GATAD2B: variants seen among roughly 807,000 people sequenced by gnomAD.
GATAD2B encodes GATA zinc finger domain containing 2B.
Under a neutral mutation model 64.3 loss-of-function variants are expected in GATAD2B, and 8 were observed. The ratio of observed to expected loss-of-function variants is 0.12; its 90% CI spans 0.07 to 0.22. The LOEUF (loss-of-function observed/expected upper bound fraction) is 0.22. Among genes scored for constraint, GATAD2B ranks in the 10% least tolerant of loss-of-function variants. The pLI is 1.00. For missense variants in GATAD2B, 453 were observed against 752.0 expected (o/e 0.60, Z 4.65); for synonymous variants, 281 against 271.3 (o/e 1.04, Z -0.35).
chr1:153,920,597 A>T (rs1678400827), intron 1 of GATAD2B, among the ~76,000 whole-genome samples: 1 of 152,240 alleles, frequency 6.6e-6, no homozygotes, highest in South Asian at 2.1e-4. Flanking sequence ...CAGGAAGTTA[A>T]CACACATCAC....
intron 2 of GATAD2B, among the ~76,000 whole-genome samples, chr1:153,826,036 C>T (rs1162842152): frequency 6.6e-6 from 1 of 150,572 alleles, no homozygotes; most frequent in Non-Finnish European, 1.5e-5. Context: ...CGAAGTCTCG[C>T]TCTGTCGCCC....
intron 1 of GATAD2B, among the ~76,000 whole-genome samples, chr1:153,903,077 G>A (rs1677827313): frequency 6.6e-6 from 1 of 152,056 alleles, no homozygotes; most frequent in African/African-American, 2.4e-5. Context: ...AATTAGCCGG[G>A]CGTGGTGGCG....
At chr1:153,856,069 T>C (rs1026853557) in intron 1 of GATAD2B, among the ~76,000 whole-genome samples, 1 of 152,216 alleles carries the variant, frequency 6.6e-6, no homozygotes, top group African/African-American at 2.4e-5. Context: ...GCTGGGTTCA[T>C]GGCCACTTTC....
intron 1 of GATAD2B, among the ~76,000 whole-genome samples, chr1:153,890,349 G>A (rs972842098): frequency 1.3e-5 from 2 of 151,024 alleles, no homozygotes; most frequent in African/African-American, 2.4e-5. Flanking sequence ...TTAGCCGGAC[G>A]TGGTGGCACG....
chr1:153,868,329 G>A (rs757768493), intron 1 of GATAD2B, among the ~76,000 whole-genome samples: 1 of 151,986 alleles, frequency 6.6e-6, no homozygotes, highest in Non-Finnish European at 1.5e-5. Flanking sequence ...GAACAATTTA[G>A]TGAGAAAAGT....
At chr1:153,906,413 T>C (rs1677940520) in intron 1 of GATAD2B, among the ~76,000 whole-genome samples, 1 of 151,394 alleles carries the variant, frequency 6.6e-6, no homozygotes, top group Non-Finnish European at 1.5e-5. Flanking sequence ...AGCCAGACTC[T>C]GTCTTAACAA....
At chr1:153,888,349 A>C (rs1342322486) in intron 1 of GATAD2B, among the ~76,000 whole-genome samples, 1 of 152,204 alleles carries the variant, frequency 6.6e-6, no homozygotes, top group Non-Finnish European at 1.5e-5. Context: ...CTTCCAAAAG[A>C]CAAAGTATCT....
intron 1 of GATAD2B, chr1:153,921,961 T>G (rs1400348158): frequency 6.6e-6 from 1 of 151,894 alleles, no homozygotes; most frequent in Non-Finnish European, 1.5e-5. Flanking sequence ...TAAGTCCCGG[T>G]GTGGTTAGGG....
intron 1 of GATAD2B, among the ~76,000 whole-genome samples, chr1:153,841,754 T>G (rs1026811796): frequency 3.9e-5 from 6 of 152,192 alleles, no homozygotes; most frequent in African/African-American, 1.2e-4. Context: ...CTATGAACAT[T>G]CATGGGAAAG....
At chr1:153,837,533 C>A (rs1675317260) in intron 1 of GATAD2B, among the ~76,000 whole-genome samples, 1 of 151,984 alleles carries the variant, frequency 6.6e-6, no homozygotes, top group South Asian at 2.1e-4. Flanking sequence ...GTACTTAAAT[C>A]CACTGAATTA....
intron 1 of GATAD2B, among the ~76,000 whole-genome samples, chr1:153,894,003 T>G (rs1476274227): frequency 1.4e-5 from 2 of 139,228 alleles, no homozygotes; most frequent in Non-Finnish European, 3.1e-5. Flanking sequence ...GTCCCCATAC[T>G]AACTGGAACC....
At chr1:153,842,121 G>A (rs1675518189) in intron 1 of GATAD2B, among the ~76,000 whole-genome samples, 1 of 152,200 alleles carries the variant, frequency 6.6e-6, no homozygotes, top group Non-Finnish European at 1.5e-5. Context: ...CTTGAAGTGT[G>A]TGCCACTGCA....
At chr1:153,904,682 T>C (rs1338068959) in intron 1 of GATAD2B, among the ~76,000 whole-genome samples, 3 of 151,984 alleles carry the variant, frequency 2.0e-5, no homozygotes, top group Non-Finnish European at 4.4e-5. Context: ...GCTGGGACTA[T>C]AGGCGTGTGC....
At chr1:153,812,474 G>T (rs1402356245) in intron 8 of GATAD2B, among the ~76,000 whole-genome samples, 1 of 152,132 alleles carries the variant, frequency 6.6e-6, no homozygotes, top group Non-Finnish European at 1.5e-5. Context: ...TTGCTTCAAT[G>T]ATCAAGGGAT....
chr1:153,893,975 A>AT (rs1677502109), intron 1 of GATAD2B, among the ~76,000 whole-genome samples: 1 of 151,104 alleles, frequency 6.6e-6, no homozygotes, highest in African/African-American at 2.4e-5. Context: ...AAAAAAAAAA[A>AT]AAAAAAACCC....
chr1:153,848,629 G>A (rs1443504997), intron 1 of GATAD2B, among the ~76,000 whole-genome samples: 1 of 152,128 alleles, frequency 6.6e-6, no homozygotes, highest in Non-Finnish European at 1.5e-5. Flanking sequence ...CTCTCTTCAT[G>A]TAGTCAATTG....
chr1:153,900,127 T>C (rs1384791883), intron 1 of GATAD2B, among the ~76,000 whole-genome samples: 1 of 152,052 alleles, frequency 6.6e-6, no homozygotes, highest in Non-Finnish European at 1.5e-5. Context: ...AAATTTCTTT[T>C]TTTTTACTGG....
chr1:153,873,852 G>A (rs993553487), intron 1 of GATAD2B, among the ~76,000 whole-genome samples: 1 of 152,226 alleles, frequency 6.6e-6, no homozygotes, highest in Non-Finnish European at 1.5e-5. Flanking sequence ...GAGAGGCTGA[G>A]GCAGGAGGAC....
At chr1:153,841,981 T>C (rs1281902324) in intron 1 of GATAD2B, among the ~76,000 whole-genome samples, 1 of 152,150 alleles carries the variant, frequency 6.6e-6, no homozygotes, top group East Asian at 1.9e-4. Flanking sequence ...TGTTATTTAA[T>C]AGATGGGGTC....
Sources: allele counts gnomAD v4.1 joint callset (sites outside exome capture counted in the v4.1 genomes callset), GRCh38; gene constraint gnomAD v4.1.1; transcripts MANE v1.5; gene names NCBI Gene and HGNC (gene_info 2026-07-23, HGNC 2026-07-21).